Variants in C8A observed in about 807,000 individuals in gnomAD.
C8A encodes complement component C8 alpha chain.
A neutral mutation model predicts 65.3 loss-of-function variants in C8A; 67 were observed. That is an observed-to-expected ratio of 1.03 (90% CI 0.84 to 1.26). The LOEUF (loss-of-function observed/expected upper bound fraction) is 1.26, where lower values mean the gene tolerates loss of function less well. Ranked by LOEUF, C8A falls within the 50% of genes most tolerant of loss-of-function variation. The pLI, the probability that C8A is intolerant of heterozygous loss-of-function variation, is 0.00. For synonymous variants in C8A, 290 were observed against 259.4 expected (o/e 1.12, Z -1.13); for missense variants, 781 against 723.9 (o/e 1.08, Z -0.90).
At chr1:56,890,109 CA>C (rs1644333013) in intron 7 of C8A, among the ~76,000 whole-genome samples, 1 of 152,058 alleles carries the variant, frequency 6.6e-6, no homozygotes, top group Non-Finnish European at 1.5e-5. Context: ...ACAAAGCTGC[CA>C]ATATATGTTG....
In C8A at chr1:56,854,941, T is replaced by G; in HGVS notation, c.40T>G (p.Cys14Gly). The G allele has an allele frequency of 1.2e-6, 2 of 1,613,886 alleles. No homozygotes were observed. Among genetic ancestry groups the G allele is most frequent in the Non-Finnish European group, 1.7e-6 (2 of 1,179,898 alleles). The change falls in exon 1 of 11, where the codon TGT becomes GGT. Residue 14 changes from cysteine (C) to glycine (G), a missense_variant. By Grantham distance (159) the Cys-to-Gly change is radical. Coordinates refer to ENST00000361249, the MANE Select transcript of C8A (RefSeq NM_000562.3). ...TTTCTTCATCTTGTCTTTGATGACT[T>G]GTCAGCCTGGGGTAACTGCACAGGA... ...VVFFILSLMT[C>G]QPGVTAQEKV...
At chr1:56,869,019 T>A (rs1181365375) in intron 2 of C8A, among the ~76,000 whole-genome samples, 2 of 152,204 alleles carry the variant, frequency 1.3e-5, no homozygotes, top group Non-Finnish European at 2.9e-5. Flanking sequence ...TTCCTTCTTT[T>A]ATTTTTTCAT....
chr1:56,870,659 T>A (rs1431891991), intron 2 of C8A, among the ~76,000 whole-genome samples: 1 of 152,212 alleles, frequency 6.6e-6, no homozygotes, highest in Non-Finnish European at 1.5e-5. Context: ...TTATTCAACC[T>A]GTTATATATC....
Position 56,917,919 on chromosome 1 carries a change from A to T in C8A, c.*203A>T, listed in dbSNP as rs1644566986. 1 of 589,156 alleles carries T rather than the reference A, an allele frequency of 1.7e-6. No individual in the cohort carries two copies. Among genetic ancestry groups the T allele is most frequent in the Non-Finnish European group, 3.0e-6 (1 of 330,746 alleles). 36.5% of individuals were successfully genotyped at this position (589,156 alleles called of 1,614,324 possible). On this transcript the variant is annotated 3_prime_UTR_variant, in exon 11 of 11. Transcript: ENST00000361249. ...ACAAAACTCAATCATTTTATTCAGC[A>T]ACTGGATGTTGACTGTTAACTAGAA...
chr1:56,902,677 C>T (rs1460358610), intron 7 of C8A, among the ~76,000 whole-genome samples: 1 of 152,078 alleles, frequency 6.6e-6, no homozygotes, highest in Non-Finnish European at 1.5e-5. Flanking sequence ...TGGCAACAAC[C>T]ATGATACCCT....
At chr1:56,855,965 A>G (rs1016285492) in intron 1 of C8A, among the ~76,000 whole-genome samples, 4 of 152,110 alleles carry the variant, frequency 2.6e-5, no homozygotes, top group African/African-American at 9.6e-5. Flanking sequence ...AGGCAAGAGA[A>G]CTGTGTAAAG....
At chr1:56,856,677 T>C (rs964801184) in intron 1 of C8A, among the ~76,000 whole-genome samples, 4 of 152,146 alleles carry the variant, frequency 2.6e-5, no homozygotes, top group Non-Finnish European at 5.9e-5. Context: ...TATAAGTTCA[T>C]GTTTAACATT....
At chr1:56,893,971 GT>G (rs1489949473) in intron 7 of C8A, among the ~76,000 whole-genome samples, 2 of 152,146 alleles carry the variant, frequency 1.3e-5, no homozygotes, top group Admixed American at 6.6e-5. Context: ...TAACCTTGAG[GT>G]GAAACAATCT....
chr1:56,885,439 AG>A (rs1644290078), intron 6 of C8A, among the ~76,000 whole-genome samples: 1 of 119,470 alleles, frequency 8.4e-6, no homozygotes, highest in Non-Finnish European at 1.6e-5. Flanking sequence ...TATATATTTA[AG>A]TAAATATATA....
At chr1:56,911,175 C>T (rs952585946) in intron 9 of C8A, among the ~76,000 whole-genome samples, 2 of 150,982 alleles carry the variant, frequency 1.3e-5, no homozygotes, top group South Asian at 4.2e-4. Flanking sequence ...TTCTTTAGAT[C>T]CTCATAAGAA....
chr1:56,867,544 A>G (rs2101200041), intron 1 of C8A, 65 bp from the exon 2 acceptor site: 1 of 1,155,618 alleles, frequency 8.7e-7, no homozygotes, highest in Non-Finnish European at 1.3e-6. Flanking sequence ...GAAAATGTGC[A>G]CAGCTTTCTC....
rs1263317056 is a variant in C8A at position 56,886,096 on chromosome 1, T to A, written c.1025T>A (p.Ile342Asn). The change falls in exon 7 of 11, where the codon ATC (isoleucine) becomes AAC (asparagine). Residue 342 changes from isoleucine to asparagine, a missense_variant. Ile to Asn is a moderately radical substitution (Grantham distance 149, BLOSUM62 -3). Transcript: ENST00000361249. Reference sequence around the variant, plus strand: ...ATCAATGACTATGGCACCCATTACATCACATCTGGATCCATGGGTGGCATT... The same window carrying A: ...ATCAATGACTATGGCACCCATTACAACACATCTGGATCCATGGGTGGCATT... ...KFINDYGTHYITSGSMGGIYE... is the reference protein window; with the variant it reads ...KFINDYGTHYNTSGSMGGIYE... The A allele has an allele frequency of 6.2e-7, 1 of 1,613,856 alleles. No individual in the cohort carries two copies. The highest frequency in any genetic ancestry group is 8.5e-7 in the Non-Finnish European group (1 of 1,179,900).
chr1:56,901,321 G>A (rs1644424796), intron 7 of C8A, among the ~76,000 whole-genome samples: 1 of 152,156 alleles, frequency 6.6e-6, no homozygotes, highest in African/African-American at 2.4e-5. Flanking sequence ...TACACCTGCT[G>A]TTTTCCACCT....
chr1:56,862,407 G>A (rs1423777615), intron 1 of C8A, among the ~76,000 whole-genome samples: 1 of 152,146 alleles, frequency 6.6e-6, no homozygotes, highest in Non-Finnish European at 1.5e-5. Flanking sequence ...TTTGGGAAAT[G>A]CCAGGTTATG....
At chr1:56,894,479 G>T (rs1644373288) in intron 7 of C8A, among the ~76,000 whole-genome samples, 3 of 152,118 alleles carry the variant, frequency 2.0e-5, no homozygotes, top group East Asian at 3.9e-4. Flanking sequence ...ATGGATACCA[G>T]ATAACAGTGA....
intron 1 of C8A, among the ~76,000 whole-genome samples, chr1:56,857,881 G>T (rs957300539): frequency 1.3e-5 from 2 of 151,972 alleles, no homozygotes; most frequent in African/African-American, 4.8e-5. Flanking sequence ...TTACAGAGAT[G>T]CTAGCCTGCT....
intron 7 of C8A, among the ~76,000 whole-genome samples, chr1:56,892,094 C>A (rs566501335): frequency 9.9e-5 from 15 of 152,076 alleles, no homozygotes; most frequent in Non-Finnish European, 2.1e-4. Context: ...ACATTTCCAT[C>A]TAGAGTCTTC....
Position 56,874,963 on chromosome 1 carries a change from C to T in C8A, c.186C>T (p.Ser62=). 6.2e-7 allele frequency: 1 copy of T among 1,613,682 alleles called. No homozygotes were observed. The highest frequency in any genetic ancestry group is 2.2e-5 in the East Asian group (1 of 44,836). The change falls in exon 3 of 11, where the codon AGC becomes AGT. Residue 62 remains serine (S), a synonymous_variant. Transcript: ENST00000361249. ...PCQDKKYRHR[S]LLQPNKFGGT... Reference sequence around the variant, plus strand: ...ATCTGGTTTAGTACCGACACCGGAGCCTCTTGCAGCCAAACAAGTTTGGGG... The same window carrying T: ...ATCTGGTTTAGTACCGACACCGGAGTCTCTTGCAGCCAAACAAGTTTGGGG...
At chr1:56,876,284 A>T in intron 4 of C8A, 75 bp downstream of exon 4, 1 of 1,573,796 alleles carries the variant, frequency 6.4e-7, no homozygotes. Flanking sequence ...TTTTGAGGAC[A>T]GAAGGGGGCC....
Sources: gnomAD v4.1 joint callset for allele counts (sites outside exome capture counted in the v4.1 genomes callset) on GRCh38, gnomAD v4.1.1 for gene constraint, MANE v1.5 for transcripts, NCBI Gene and HGNC (gene_info 2026-07-23, HGNC 2026-07-21) for gene names.